The following PDSS2 variants were observed in gnomAD, a reference collection of about 807,000 sequenced individuals.
PDSS2 encodes the protein decaprenyl diphosphate synthase subunit 2, also known as all trans-polyprenyl-diphosphate synthase PDSS2.
PDSS2 carries 31 observed loss-of-function variants against 44.5 expected under a neutral mutation model. That is an observed-to-expected ratio of 0.70 (90% CI 0.52 to 0.94). PDSS2 has a LOEUF of 0.94. Among genes scored for constraint, PDSS2 ranks in the 40% least tolerant of loss-of-function variants. The pLI is 0.00. For missense variants in PDSS2, 452 were observed against 482.2 expected, an observed-to-expected ratio of 0.94 and a Z score of 0.59; for synonymous variants, 157 against 180.3, an observed-to-expected ratio of 0.87 and a Z score of 1.03.
intron 4 of PDSS2, among the ~76,000 whole-genome samples, chr6:107,228,243 A>G (rs9480754): frequency 0.21 from 32,621 of 152,142 alleles, 3,983 homozygotes; most frequent in East Asian, 0.33. Flanking sequence ...GCCACTATAC[A>G]TACTAAGCTT....
chr6:107,345,820 T>C (rs928041464), intron 1 of PDSS2, among the ~76,000 whole-genome samples: 7 of 152,164 alleles, frequency 4.6e-5, no homozygotes, highest in African/African-American at 1.7e-4. Context: ...AGAATCAACA[T>C]TGAATTCAAG....
intron 4 of PDSS2, among the ~76,000 whole-genome samples, chr6:107,241,211 T>C (rs1426745313): frequency 2.2e-5 from 3 of 137,408 alleles, no homozygotes; most frequent in Non-Finnish European, 4.6e-5. Context: ...ATCGCGCCAC[T>C]GCACTCTAGC....
chr6:107,216,877 CT>C (rs1418119785), intron 4 of PDSS2, among the ~76,000 whole-genome samples: 2 of 152,214 alleles, frequency 1.3e-5, no homozygotes, highest in East Asian at 3.9e-4. Context: ...AAAATATGTA[CT>C]TTTTAGATAG....
At chr6:107,170,617 CCCACTTT>C (rs1287743668) in intron 7 of PDSS2, among the ~76,000 whole-genome samples, 3 of 67,274 alleles carry the variant, frequency 4.5e-5, no homozygotes, top group African/African-American at 1.8e-4. Flanking sequence ...CCCCCCCCCC[CCCACTTT>C]TTTTTTTCTG....
At chr6:107,415,541 A>T (rs1485946377) in intron 1 of PDSS2, among the ~76,000 whole-genome samples, 1 of 152,170 alleles carries the variant, frequency 6.6e-6, no homozygotes, top group African/African-American at 2.4e-5. Context: ...AACTAAAATC[A>T]CTGAAAAAGA....
At chr6:107,314,175 C>T (rs969730581) in intron 2 of PDSS2, among the ~76,000 whole-genome samples, 6 of 151,758 alleles carry the variant, frequency 4.0e-5, no homozygotes, top group African/African-American at 9.7e-5. Context: ...ATATGTAGAA[C>T]GAGCTTTTTC....
chr6:107,375,220 A>G lies in PDSS2; in HGVS notation c.297-40888T>C, dbSNP rs754678875. ...ATAAACCCTAAAAAAAGCAGAAGGA[A>G]AAATAAAGATCAAAGCAAAAATTGA... On this transcript the variant is annotated intron_variant, in intron 1 of 7. Coordinates refer to ENST00000369037, the MANE Select transcript of PDSS2 (RefSeq NM_020381.4). Among the ~76,000 whole-genome samples, 111 of 152,098 alleles carry G rather than the reference A, an allele frequency of 7.3e-4. 1 individual carries two copies. The highest frequency in any genetic ancestry group is 3.1e-4 in the Non-Finnish European group (21 of 67,998).
chr6:107,405,654 C>T (rs999400442), intron 1 of PDSS2, among the ~76,000 whole-genome samples: 7 of 151,604 alleles, frequency 4.6e-5, no homozygotes, highest in South Asian at 4.2e-4. Context: ...GAGACCATCC[C>T]GGCTAAAACG....
intron 2 of PDSS2, among the ~76,000 whole-genome samples, chr6:107,311,630 A>T (rs764731445): frequency 6.6e-6 from 1 of 152,224 alleles, no homozygotes; most frequent in African/African-American, 2.4e-5. Context: ...ATTATGAGAA[A>T]AATAAAAGCA....
chr6:107,325,498 C>T (rs1268209519), intron 2 of PDSS2, among the ~76,000 whole-genome samples: 1 of 152,114 alleles, frequency 6.6e-6, no homozygotes, highest in Non-Finnish European at 1.5e-5. Context: ...GAACAGATGG[C>T]AAATTTTAAA....
intron 2 of PDSS2, among the ~76,000 whole-genome samples, chr6:107,281,668 A>G (rs1775964632): frequency 6.6e-6 from 1 of 152,168 alleles, no homozygotes. Flanking sequence ...AGACTTTTTA[A>G]TAATCAGACC....
At chr6:107,261,293 G>A (rs1301487917) in intron 3 of PDSS2, among the ~76,000 whole-genome samples, 5 of 152,204 alleles carry the variant, frequency 3.3e-5, no homozygotes, top group Non-Finnish European at 1.5e-5. Context: ...TTGGATCATG[G>A]GGGCAGATCC....
intron 1 of PDSS2, among the ~76,000 whole-genome samples, chr6:107,455,550 T>C (rs1331902682): frequency 2.6e-5 from 4 of 151,868 alleles, no homozygotes; most frequent in Non-Finnish European, 5.9e-5. Context: ...GGGCAGGAGC[T>C]AGAGACCATC....
At chr6:107,170,879 C>T (rs1448819002) in intron 7 of PDSS2, among the ~76,000 whole-genome samples, 2 of 152,122 alleles carry the variant, frequency 1.3e-5, no homozygotes, top group African/African-American at 4.8e-5. Context: ...TCCCAAAGTG[C>T]TGGGATTACA....
chr6:107,399,878 T>G (rs1780055325), intron 1 of PDSS2, among the ~76,000 whole-genome samples: 1 of 152,144 alleles, frequency 6.6e-6, no homozygotes, highest in Admixed American at 6.6e-5. Context: ...TTTGTTAGCA[T>G]ACCTCATCCA....
rs1291122833 is a variant in PDSS2 at position 107,229,932 on chromosome 6, A to AT, written c.702+15615dup. 1.4e-5 allele frequency: 3 copies of AT among 213,600 alleles called. No homozygotes were observed. The East Asian group carries it at 3.3e-4, about 24-fold the overall frequency. The allele number at this position is 213,600 out of a possible 1,614,324, so 13.2% of individuals were successfully genotyped here. On this transcript the variant is annotated intron_variant, in intron 4 of 7. Transcript: ENST00000369037. ...CACTGGATGTTATATTTGTATTTGG[A>AT]TTCAGAGCTCACATTGGTGGCGGCA... is the stretch of plus-strand genomic sequence containing the variant.
chr6:107,273,940 G>T, intron 3 of PDSS2, 89 bp downstream of exon 3: 1 of 957,058 alleles, frequency 1.0e-6, no homozygotes. Flanking sequence ...GGGAGTTGGG[G>T]CAGCCGGGCA....
intron 3 of PDSS2, among the ~76,000 whole-genome samples, chr6:107,265,946 C>G (rs1242786830): frequency 6.6e-6 from 1 of 152,042 alleles, no homozygotes; most frequent in Non-Finnish European, 1.5e-5. Flanking sequence ...CTCAAACAAA[C>G]AAACAAACAA....
At chr6:107,383,678 T>A (rs1485958571) in intron 1 of PDSS2, among the ~76,000 whole-genome samples, 2 of 152,140 alleles carry the variant, frequency 1.3e-5, no homozygotes, top group South Asian at 4.2e-4. Context: ...AACAAGGACA[T>A]GAAAAGATGT....
Sources: gnomAD v4.1 joint callset for allele counts (sites outside exome capture counted in the v4.1 genomes callset) on GRCh38, gnomAD v4.1.1 for gene constraint, MANE v1.5 for transcripts, NCBI Gene and HGNC (gene_info 2026-07-23, HGNC 2026-07-21) for gene names.